EEIG2: variants seen among roughly 807,000 people sequenced by gnomAD.
EEIG2 encodes EEIG family member 2.
the EEIG2 span, among the ~76,000 whole-genome samples, chr1:108,610,363 G>A: frequency 6.6e-6 from 1 of 152,198 alleles, no homozygotes; most frequent in South Asian, 2.1e-4. Context: ...ATGCAGGTAG[G>A]TGAGTGGATG....
the EEIG2 span, chr1:108,560,642 C>G: frequency 6.6e-7 from 1 of 1,514,616 alleles, no homozygotes; most frequent in Admixed American, 2.0e-5. Flanking sequence ...TCTCCTTGGC[C>G]CATTTGCTCG....
At chr1:108,601,897 A>G in the EEIG2 span, among the ~76,000 whole-genome samples, 1 of 152,208 alleles carries the variant, frequency 6.6e-6, no homozygotes, top group African/African-American at 2.4e-5. Context: ...GTACTATTCC[A>G]GGCACTGGGA....
chr1:108,618,208 C>G, the EEIG2 span, among the ~76,000 whole-genome samples: 7 of 152,168 alleles, frequency 4.6e-5, no homozygotes, highest in African/African-American at 1.7e-4. Flanking sequence ...GTTGCTAGAA[C>G]AGCGCCCTTG....
chr1:108,576,029 G>T, the EEIG2 span, among the ~76,000 whole-genome samples: 92 of 152,256 alleles, frequency 6.0e-4, no homozygotes, highest in Non-Finnish European at 1.1e-3. Context: ...TTGTGTGTGT[G>T]TGAGATACAG....
chr1:108,599,658 T>C, the EEIG2 span, among the ~76,000 whole-genome samples: 1 of 152,234 alleles, frequency 6.6e-6, no homozygotes, highest in Non-Finnish European at 1.5e-5. Context: ...TACCACCTCC[T>C]ACTTAAATGA....
the EEIG2 span, chr1:108,560,354 C>T: frequency 7.3e-7 from 1 of 1,361,456 alleles, no homozygotes; most frequent in Non-Finnish European, 9.6e-7. Flanking sequence ...TGGGGCTGGG[C>T]TGATCCGGGG....
chr1:108,579,797 A>AGAGAG, the EEIG2 span, among the ~76,000 whole-genome samples: 5 of 25,320 alleles, frequency 2.0e-4, no homozygotes, highest in Admixed American at 4.5e-4. Context: ...GAGAGAGAGA[A>AGAGAG]AGAAACCCAC....
the EEIG2 span, among the ~76,000 whole-genome samples, chr1:108,621,049 G>A: frequency 2.6e-5 from 4 of 152,316 alleles, no homozygotes; most frequent in Middle Eastern, 3.4e-3. Flanking sequence ...AGAGAAAACT[G>A]TGCACAAGTT....
At chr1:108,617,403 A>G in the EEIG2 span, among the ~76,000 whole-genome samples, 2 of 152,284 alleles carry the variant, frequency 1.3e-5, no homozygotes, top group Admixed American at 6.5e-5. Context: ...AACTGGAAGA[A>G]TGGTGCTCTC....
chr1:108,573,301 C>A, the EEIG2 span, among the ~76,000 whole-genome samples: 6 of 152,206 alleles, frequency 3.9e-5, no homozygotes, highest in Admixed American at 3.9e-4. Context: ...GTCTAAAATT[C>A]AAGATTCCTG....
At chr1:108,629,623 A>C in the EEIG2 span, 44 of 1,611,732 alleles carry the variant, frequency 2.7e-5, no homozygotes, top group Non-Finnish European at 1.1e-5. Flanking sequence ...TCCTGGGGGA[A>C]GTACAACCTT....
At chr1:108,608,824 G>A in the EEIG2 span, among the ~76,000 whole-genome samples, 2 of 152,230 alleles carry the variant, frequency 1.3e-5, no homozygotes, top group Non-Finnish European at 2.9e-5. Flanking sequence ...CAGTTCTGGA[G>A]GCTGGGAAGT....
the EEIG2 span, among the ~76,000 whole-genome samples, chr1:108,629,013 A>G: frequency 7.2e-5 from 11 of 152,236 alleles, no homozygotes; most frequent in South Asian, 2.1e-4. Context: ...AATGTTAGTT[A>G]AAAGTGATCA....
At chr1:108,615,119 A>G in the EEIG2 span, among the ~76,000 whole-genome samples, 1 of 152,186 alleles carries the variant, frequency 6.6e-6, no homozygotes, top group African/African-American at 2.4e-5. Flanking sequence ...ACATACAACA[A>G]TGTACATATT....
At chr1:108,628,209 C>T in the EEIG2 span, 34 of 1,613,984 alleles carry the variant, frequency 2.1e-5, no homozygotes, top group Non-Finnish European at 2.5e-5. Context: ...GAACTTGGTG[C>T]CTGTGGACAT....
At chr1:108,587,714 G>A in the EEIG2 span, among the ~76,000 whole-genome samples, 24 of 152,190 alleles carry the variant, frequency 1.6e-4, no homozygotes, top group East Asian at 1.9e-3. Context: ...GGAAAATTTT[G>A]TGTAGCTTTC....
chr1:108,604,078 G>A, the EEIG2 span, among the ~76,000 whole-genome samples: 7 of 152,110 alleles, frequency 4.6e-5, no homozygotes, highest in South Asian at 6.2e-4. Context: ...CAAAGATATC[G>A]AACCACAGAT....
the EEIG2 span, chr1:108,630,979 A>G: frequency 1.8e-4 from 34 of 193,942 alleles, no homozygotes; most frequent in East Asian, 3.7e-3. Context: ...ACAAGGCTCA[A>G]AAATAGACTA....
chr1:108,615,535 G>T, the EEIG2 span, among the ~76,000 whole-genome samples: 1 of 151,814 alleles, frequency 6.6e-6, no homozygotes, highest in Non-Finnish European at 1.5e-5. Flanking sequence ...AGCACTTTGG[G>T]AGGCCAAGGG....
Sources: allele counts gnomAD v4.1 joint callset (sites outside exome capture counted in the v4.1 genomes callset), GRCh38; gene constraint gnomAD v4.1.1; transcripts MANE v1.5; gene names NCBI Gene and HGNC (gene_info 2026-07-23, HGNC 2026-07-21).